DTNA: variants seen among roughly 807,000 people sequenced by gnomAD.
DTNA encodes dystrophin-related protein 3.
DTNA carries 43 observed loss-of-function variants against 100.7 expected under a neutral mutation model. That is an observed-to-expected ratio of 0.43 (90% CI 0.33 to 0.55). The LOEUF (loss-of-function observed/expected upper bound fraction) is 0.55. DTNA is among the 20% of genes least tolerant of loss of function. The pLI, the probability that DTNA is intolerant of heterozygous loss-of-function variation, is 0.04. For synonymous variants in DTNA, 349 were observed against 347.9 expected (o/e 1.00, Z -0.04); for missense variants, 798 against 953.9 (o/e 0.84, Z 2.15).
chr18:34,875,752 A>C (rs1360417453), intron 18 of DTNA, among the ~76,000 whole-genome samples: 3 of 152,154 alleles, frequency 2.0e-5, no homozygotes, highest in African/African-American at 7.2e-5. Context: ...TCTTTATATT[A>C]AAGTCAAGAC....
chr18:34,747,758 G>A (rs1482126624), intron 1 of DTNA, among the ~76,000 whole-genome samples: 4 of 152,110 alleles, frequency 2.6e-5, no homozygotes, highest in East Asian at 1.9e-4. Flanking sequence ...GGACACTTAG[G>A]TTGGTTCTTT....
At chr18:34,665,928 G>T (rs1296529279) in intron 1 of DTNA, among the ~76,000 whole-genome samples, 1 of 152,102 alleles carries the variant, frequency 6.6e-6, no homozygotes, top group East Asian at 1.9e-4. Flanking sequence ...AGTCCTTTGG[G>T]TATATACCCA....
intron 14 of DTNA, 84 bp from the exon 15 acceptor site, chr18:34,851,747 T>C (rs2096482365): frequency 7.4e-7 from 1 of 1,352,402 alleles, no homozygotes; most frequent in African/African-American, 1.4e-5. Context: ...CTCCTCCTTG[T>C]CTGCATATCT....
At chr18:34,618,066 G>A (rs1255392719) in intron 1 of DTNA, among the ~76,000 whole-genome samples, 1 of 152,106 alleles carries the variant, frequency 6.6e-6, no homozygotes, top group African/African-American at 2.4e-5. Flanking sequence ...TGTTAGAGCT[G>A]GGAGCAGGTT....
chr18:34,824,983 C>T (rs1177870802), intron 9 of DTNA, among the ~76,000 whole-genome samples: 4 of 149,542 alleles, frequency 2.7e-5, no homozygotes, highest in South Asian at 2.1e-4. Flanking sequence ...AAACAGGTTG[C>T]GGTACTAATA....
intron 1 of DTNA, among the ~76,000 whole-genome samples, chr18:34,668,618 A>G (rs916403871): frequency 2.0e-5 from 3 of 151,988 alleles, no homozygotes; most frequent in African/African-American, 7.3e-5. Context: ...AGATTCTGGT[A>G]TGTTTTGTCT....
chr18:34,630,745 C>G (rs1469145424), intron 1 of DTNA, among the ~76,000 whole-genome samples: 1 of 151,852 alleles, frequency 6.6e-6, no homozygotes, highest in Non-Finnish European at 1.5e-5. Context: ...GATTGTAGCT[C>G]TGTTCATGCA....
At chr18:34,758,430 C>G (rs1455018759) in intron 2 of DTNA, among the ~76,000 whole-genome samples, 2 of 152,142 alleles carry the variant, frequency 1.3e-5, no homozygotes, top group Non-Finnish European at 1.5e-5. Context: ...ACTATTGCAA[C>G]AAGGGAGAAA....
At chr18:34,605,711 CAACT>C (rs2052939559) in intron 1 of DTNA, among the ~76,000 whole-genome samples, 1 of 151,716 alleles carries the variant, frequency 6.6e-6, no homozygotes, top group African/African-American at 2.4e-5. Flanking sequence ...CATTAAAACA[CAACT>C]CCATGCTTAA....
intron 1 of DTNA, among the ~76,000 whole-genome samples, chr18:34,645,821 AC>A (rs1568108755): frequency 2.6e-5 from 4 of 152,066 alleles, no homozygotes; most frequent in African/African-American, 9.7e-5. Context: ...CATATTTTCC[AC>A]TCTTTAACTC....
At chr18:34,840,750 G>A (rs2096252607) in intron 13 of DTNA, among the ~76,000 whole-genome samples, 1 of 152,050 alleles carries the variant, frequency 6.6e-6, no homozygotes, top group African/African-American at 2.4e-5. Flanking sequence ...AATCAATGAA[G>A]GAGGCTTTGT....
At chr18:34,703,153 C>T in intron 1 of DTNA, among the ~76,000 whole-genome samples, 1 of 152,134 alleles carries the variant, frequency 6.6e-6, no homozygotes, top group South Asian at 2.1e-4. Context: ...TTTCTCTATG[C>T]TCTGTATGTA....
intron 17 of DTNA, 48 bp from the exon 18 acceptor site, chr18:34,875,191 T>G (rs372521117): frequency 1.5e-5 from 24 of 1,607,676 alleles, no homozygotes; most frequent in Non-Finnish European, 1.9e-5. Context: ...GGATGACATA[T>G]GACATTTTCT....
intron 1 of DTNA, among the ~76,000 whole-genome samples, chr18:34,645,277 A>G (rs2059706813): frequency 6.6e-6 from 1 of 152,116 alleles, no homozygotes; most frequent in South Asian, 2.1e-4. Flanking sequence ...ATTATCCTCA[A>G]TATTAAACAC....
chr18:34,766,415 A>G (rs59034106), intron 3 of DTNA, among the ~76,000 whole-genome samples: 16,782 of 152,160 alleles, frequency 0.11, 1,064 homozygotes, highest in South Asian at 0.15. Context: ...CATTCTCAGC[A>G]AACTATCGCA....
At chr18:34,575,343 G>A (rs1816695) in intron 1 of DTNA, among the ~76,000 whole-genome samples, 29,523 of 151,934 alleles carry the variant, frequency 0.19, 3,339 homozygotes, top group African/African-American at 0.3. Context: ...GATGTTATAC[G>A]TGATTCTTCA....
intron 4 of DTNA, among the ~76,000 whole-genome samples, chr18:34,802,575 A>T (rs1014715222): frequency 6.6e-6 from 1 of 152,214 alleles, no homozygotes; most frequent in African/African-American, 2.4e-5. Flanking sequence ...TTCACAATGA[A>T]ATAGGGACCC....
chr18:34,820,486 C>T (rs1193577825), intron 8 of DTNA, among the ~76,000 whole-genome samples: 1 of 152,196 alleles, frequency 6.6e-6, no homozygotes, highest in Non-Finnish European at 1.5e-5. Flanking sequence ...CCTCCATTCT[C>T]GAATGACCTT....
intron 6 of DTNA, among the ~76,000 whole-genome samples, chr18:34,812,811 C>T (rs1346184346): frequency 6.6e-6 from 1 of 152,194 alleles, no homozygotes; most frequent in African/African-American, 2.4e-5. Context: ...TTGTCTCACT[C>T]AGCCTCATGT....
Sources: gnomAD v4.1 joint callset for allele counts (sites outside exome capture counted in the v4.1 genomes callset) on GRCh38, gnomAD v4.1.1 for gene constraint, MANE v1.5 for transcripts, NCBI Gene and HGNC (gene_info 2026-07-23, HGNC 2026-07-21) for gene names.